Variants in C3orf62 observed in about 807,000 individuals in gnomAD.
The protein encoded by C3orf62 is chromosome 3 open reading frame 62.
A neutral mutation model predicts 21.7 loss-of-function variants in C3orf62; 16 were observed. The observed-to-expected ratio is 0.74, with a 90% confidence interval of 0.50 to 1.12. The LOEUF is 1.12. C3orf62 is among the 50% of genes most tolerant of loss of function. The pLI is 0.00. For synonymous variants in C3orf62, 114 were observed against 117.0 expected (o/e 0.97, Z 0.17); for missense variants, 310 against 318.8 (o/e 0.97, Z 0.21).
At chr3:49,275,518 A>ATTTTTT (rs1559460002) in intron 1 of C3orf62, among the ~76,000 whole-genome samples, 6 of 69,826 alleles carry the variant, frequency 8.6e-5, no homozygotes, top group Admixed American at 1.8e-4. Flanking sequence ...AGAACTTTGA[A>ATTTTTT]GTTTTTTTTT....
chr3:49,274,758 T>C (rs1202466767), intron 1 of C3orf62, among the ~76,000 whole-genome samples: 1 of 151,740 alleles, frequency 6.6e-6, no homozygotes, highest in Non-Finnish European at 1.5e-5. Flanking sequence ...ACTCCTGACC[T>C]CAGGTGATCT....
Position 49,276,545 on chromosome 3 carries a change from C to T in C3orf62, c.328G>A (p.Glu110Lys), listed in dbSNP as rs13077498. Residue 110 changes from glutamate (E) to lysine (K), a missense_variant, in exon 1 of 3, where the codon GAG (glutamate) becomes AAG (lysine). Glu to Lys is a moderately conservative substitution (Grantham distance 56, BLOSUM62 1). Transcript: ENST00000343010. ...VNAKPHALCP[E>K]RKPLTSKENV... Reference sequence around the variant, plus strand: ...TCCTTGCTGGTTAGAGGTTTTCTCTCGGGGCACAGAGCATGTGGTTTTGCA... The same window carrying T: ...TCCTTGCTGGTTAGAGGTTTTCTCTTGGGGCACAGAGCATGTGGTTTTGCA... 0.1 allele frequency: 161,980 copies of T among 1,614,096 alleles called. 8,566 individuals are homozygous for T. Among genetic ancestry groups the T allele is most frequent in the Non-Finnish European group, 0.11 (127,322 of 1,180,022 alleles).
At chr3:49,275,324 C>T (rs1219964718) in intron 1 of C3orf62, among the ~76,000 whole-genome samples, 1 of 150,726 alleles carries the variant, frequency 6.6e-6, no homozygotes, top group Admixed American at 6.6e-5. Flanking sequence ...AGACCTCAAG[C>T]GATCCACCCA....
rs747113998 is a variant in C3orf62 at position 49,276,556 on chromosome 3, G to C, written c.317C>G (p.Ala106Gly). Reference protein sequence around the residue: ...NHAPVNAKPHALCPERKPLTS... With the variant: ...NHAPVNAKPHGLCPERKPLTS... ...TAGAGGTTTTCTCTCGGGGCACAGAGCATGTGGTTTTGCATTTACCGGGGC... is the reference window on the plus strand; with the variant it reads ...TAGAGGTTTTCTCTCGGGGCACAGACCATGTGGTTTTGCATTTACCGGGGC... The change falls in exon 1 of 3, where the codon GCT becomes GGT. Residue 106 changes from alanine to glycine, a missense_variant. By Grantham distance (60) the Ala-to-Gly change is moderately conservative. Transcript: ENST00000343010. 6.2e-7 allele frequency: 1 copy of C among 1,614,224 alleles called. No homozygotes were observed.
intron 2 of C3orf62, among the ~76,000 whole-genome samples, chr3:49,272,894 T>G (rs1183662609): frequency 6.6e-6 from 1 of 152,094 alleles, no homozygotes; most frequent in Non-Finnish European, 1.5e-5. Context: ...GCTAAATTAC[T>G]CTCTCCTTTT....
chr3:49,271,265 A>G lies in C3orf62; in HGVS notation c.719T>C (p.Phe240Ser). 1.2e-6 allele frequency: 2 copies of G among 1,614,176 alleles called. No individual in the cohort carries two copies. Among genetic ancestry groups the G allele is most frequent in the Non-Finnish European group, 1.7e-6 (2 of 1,180,034 alleles). Residue 240 changes from phenylalanine (F) to serine (S), a missense_variant, in exon 3 of 3, where the codon TTT becomes TCT. Coordinates refer to ENST00000343010, the MANE Select transcript of C3orf62 (RefSeq NM_198562.3). Reference protein sequence around the residue: ...DADPGSLKQAFDDHNIVETVL... With the variant: ...DADPGSLKQASDDHNIVETVL... The stretch of plus-strand genomic sequence containing the variant: ...AGTCTCAACAATATTATGATCATCA[A>G]AAGCCTGTTTGAGGCTGCCAGGGTC...
intron 2 of C3orf62, among the ~76,000 whole-genome samples, chr3:49,273,435 AGTG>A (rs2046928269): frequency 6.6e-6 from 1 of 151,920 alleles, no homozygotes; most frequent in East Asian, 1.9e-4. Flanking sequence ...CCCCCCAAAA[AGTG>A]GTGGTGGTGT....
At chr3:49,274,279 G>T in intron 1 of C3orf62, 139 bp from the exon 2 acceptor site, 1 of 643,486 alleles carries the variant, frequency 1.6e-6, no homozygotes, top group South Asian at 1.8e-5. Context: ...TTTGATTAAA[G>T]GACAATTGGA....
At chr3:49,274,947 G>A (rs1176012153) in intron 1 of C3orf62, among the ~76,000 whole-genome samples, 5 of 151,676 alleles carry the variant, frequency 3.3e-5, no homozygotes, top group Non-Finnish European at 5.9e-5. Flanking sequence ...AGCCTCTGGA[G>A]CAGCTGGGAT....
chr3:49,277,162 C>G lies in C3orf62; in HGVS notation c.-290G>C. 7.1e-7 allele frequency: 1 copy of G among 1,409,480 alleles called. No homozygotes were observed. Among genetic ancestry groups the G allele is most frequent in the Non-Finnish European group, 9.4e-7 (1 of 1,066,074 alleles). 87.3% of individuals were successfully genotyped at this position (1,409,480 alleles called of 1,614,324 possible). A position where few individuals can be genotyped will look rare whatever the true frequency, so the allele number is the denominator to read the frequency against. ...TACCGGCACCCCCCCTTTGGCGAGT[C>G]GGCAGCCACGTCCTTGTCCTCACCC... On this transcript the variant is annotated 5_prime_UTR_variant, in exon 1 of 3. Transcript: ENST00000343010.
At position 49,271,063 on chromosome 3, in the gene C3orf62, A is replaced by G. The variant is rs1241944774; in HGVS notation, c.*117T>C. On this transcript the variant is annotated 3_prime_UTR_variant, in exon 3 of 3. Transcript: ENST00000343010. ...AACTGGGATTTAAAAAGGGTCTGGT[A>G]ATTCAGGTTCTGCCAACCTTTTGAG... 1 of 993,516 alleles carries G rather than the reference A, an allele frequency of 1.0e-6. No individual in the cohort carries two copies. The highest frequency in any genetic ancestry group is 1.6e-5 in the African/African-American group (1 of 61,822). The allele number at this position is 993,516 out of a possible 1,614,324, so 61.5% of individuals were successfully genotyped here. A position where few individuals can be genotyped will look rare whatever the true frequency, so the allele number is the denominator to read the frequency against.
rs1425947461 is a variant in C3orf62, at chr3:49,270,617, G to A, written c.*563C>T. ...CGGCTCATTGCAACCTCCGCCTCCAGGTTCAAGCAATTCTCCTACCTCAGC... is the reference window on the plus strand; with the variant it reads ...CGGCTCATTGCAACCTCCGCCTCCAAGTTCAAGCAATTCTCCTACCTCAGC... On this transcript the variant is annotated 3_prime_UTR_variant, in exon 3 of 3. Coordinates refer to ENST00000343010, the MANE Select transcript of C3orf62 (RefSeq NM_198562.3). 1 of 152,638 alleles carries A rather than the reference G, an allele frequency of 6.6e-6. No individual in the cohort carries two copies. Among genetic ancestry groups the A allele is most frequent in the Non-Finnish European group, 1.5e-5 (1 of 68,440 alleles). The allele number at this position is 152,638 out of a possible 1,614,324, so 9.5% of individuals were successfully genotyped here. A position where few individuals can be genotyped will look rare whatever the true frequency, so the allele number is the denominator to read the frequency against.
rs986130484 is a variant in C3orf62 at position 49,277,089 on chromosome 3, G to A, written c.-217C>T. The A allele has an allele frequency of 1.1e-5, 16 of 1,485,154 alleles. No homozygotes were observed. Among genetic ancestry groups the A allele is most frequent in the Admixed American group, 2.1e-5 (1 of 47,938 alleles). 92.0% of individuals were successfully genotyped at this position (1,485,154 alleles called of 1,614,324 possible). A position where few individuals can be genotyped will look rare whatever the true frequency, so the allele number is the denominator to read the frequency against. ...CCCACTTCCCACAGCTTCCTGGCCC[G>A]CCCCGCCGCTGCCTCCCGCCCCACC... On this transcript the variant is annotated 5_prime_UTR_variant, in exon 1 of 3. Transcript: ENST00000343010.
At chr3:49,275,548 T>TTTTTG (rs1575595771) in intron 1 of C3orf62, among the ~76,000 whole-genome samples, 1 of 131,932 alleles carries the variant, frequency 7.6e-6, no homozygotes, top group African/African-American at 2.9e-5. Flanking sequence ...TTTTTTTTTT[T>TTTTTG]GATACGGAGT....
intron 2 of C3orf62, 137 bp from the exon 3 acceptor site, chr3:49,271,582 G>T: frequency 8.7e-7 from 1 of 1,153,722 alleles, no homozygotes; most frequent in Non-Finnish European, 1.2e-6. Flanking sequence ...CCCAGGACAG[G>T]CAGGCTGCCA....
chr3:49,273,209 A>G (rs946755994), intron 2 of C3orf62, among the ~76,000 whole-genome samples: 1 of 152,170 alleles, frequency 6.6e-6, no homozygotes, highest in Non-Finnish European at 1.5e-5. Flanking sequence ...ATTACTTGAG[A>G]CTAGGAGTTC....
intron 2 of C3orf62, among the ~76,000 whole-genome samples, chr3:49,272,866 C>G (rs1043754653): frequency 6.6e-6 from 1 of 151,932 alleles, no homozygotes; most frequent in Admixed American, 6.6e-5. Flanking sequence ...TTCTCCTAAT[C>G]TTTAATTACT....
chr3:49,277,068 C>T lies in C3orf62; in HGVS notation c.-196G>A. On this transcript the variant is annotated 5_prime_UTR_variant, in exon 1 of 3. It adds an upstream start codon to the 5' untranslated region. Transcript: ENST00000343010. The stretch of plus-strand genomic sequence containing the variant: ...GAAGCCCCAAAGACGCCCCGCCCCA[C>T]TTCCCACAGCTTCCTGGCCCGCCCC... 6.8e-7 allele frequency: 1 copy of T among 1,481,048 alleles called. No homozygotes were observed. Among genetic ancestry groups the T allele is most frequent in the Non-Finnish European group, 9.0e-7 (1 of 1,116,642 alleles). 91.7% of individuals were successfully genotyped at this position (1,481,048 alleles called of 1,614,324 possible).
chr3:49,276,706 A>G lies in C3orf62; in HGVS notation c.167T>C (p.Phe56Ser), dbSNP rs113941560. 1.7e-5 allele frequency: 28 copies of G among 1,613,740 alleles called. 1 individual carries two copies. The highest frequency in any genetic ancestry group is 1.6e-4 in the African/African-American group (12 of 75,042). The change falls in exon 1 of 3, where the codon TTC becomes TCC. Residue 56 changes from phenylalanine (F) to serine (S), a missense_variant. Coordinates refer to ENST00000343010, the MANE Select transcript of C3orf62 (RefSeq NM_198562.3). The stretch of plus-strand genomic sequence containing the variant: ...GAGGAGCCTGTGCACGGGCAGCGAG[A>G]AGGAGAGCGGCGCGGCGCTCAGTTC... ...RLELSAAPLS[F>S]SLPVHRLLCR...
Sources: allele counts gnomAD v4.1 joint callset (sites outside exome capture counted in the v4.1 genomes callset), GRCh38; gene constraint gnomAD v4.1.1; transcripts MANE v1.5; gene names NCBI Gene and HGNC (gene_info 2026-07-23, HGNC 2026-07-21).